RNGTT: variants seen among roughly 807,000 people sequenced by gnomAD.
The protein encoded by RNGTT is RNA guanylyltransferase and 5'-phosphatase, also known as mRNA-capping enzyme.
RNGTT carries 33 observed loss-of-function variants against 79.3 expected under a neutral mutation model. The observed-to-expected ratio is 0.42, with a 90% CI of 0.32 to 0.56. The LOEUF is 0.56. Ranked by LOEUF, RNGTT falls within the 20% of genes least tolerant of loss-of-function variation. RNGTT has a pLI of 0.17. For synonymous variants in RNGTT, 222 were observed against 235.9 expected (o/e 0.94, Z 0.54); for missense variants, 497 against 739.1 (o/e 0.67, Z 3.80).
Position 88,858,439 on chromosome 6 carries a change from G to C in RNGTT, c.897-4675C>G, listed in dbSNP as rs182561044. On this transcript the variant is annotated intron_variant, in intron 8 of 15. Transcript: ENST00000369485. ...CAGTGAAGAAGAAGCTATTACAGGA[G>C]CCTACAAAGGTAGAGCCTGTCAGAG... Among the ~76,000 whole-genome samples the C allele has an allele frequency of 6.0e-3, 908 of 152,236 alleles. 16 individuals carry two copies. Among genetic ancestry groups the C allele is most frequent in the African/African-American group, 0.02 (826 of 41,550 alleles).
Position 88,793,224 on chromosome 6 carries a change from A to G in RNGTT, c.1338+8340T>C, listed in dbSNP as rs182600709. Reference sequence around the variant, plus strand: ...ATCATGAGAAATTACAATCAGAAATAAAACATTAAGAAACAAAGACTGAAA... The same window carrying G: ...ATCATGAGAAATTACAATCAGAAATGAAACATTAAGAAACAAAGACTGAAA... On this transcript the variant is annotated intron_variant, in intron 12 of 15. Coordinates refer to ENST00000369485, the MANE Select transcript of RNGTT (RefSeq NM_003800.5). Among the ~76,000 whole-genome samples the G allele has an allele frequency of 7.7e-3, 1,174 of 152,144 alleles. 8 individuals carry two copies. The highest frequency in any genetic ancestry group is 0.026 in the African/African-American group (1,089 of 41,396).
At chr6:88,940,981 A>T (rs919075924) in intron 2 of RNGTT, 90 bp downstream of exon 2, 29 of 658,698 alleles carry the variant, frequency 4.4e-5, no homozygotes, top group Non-Finnish European at 6.9e-5. Context: ...TAATTATTTT[A>T]AAATAATAAG....
intron 14 of RNGTT, among the ~76,000 whole-genome samples, chr6:88,677,331 G>A (rs1212600198): frequency 4.0e-5 from 6 of 151,256 alleles, no homozygotes; most frequent in Admixed American, 4.0e-4. Context: ...AATTTCAAAG[G>A]GGCACAAGGA....
intron 4 of RNGTT, among the ~76,000 whole-genome samples, chr6:88,919,794 A>G (rs959051110): frequency 3.1e-5 from 4 of 131,004 alleles, no homozygotes; most frequent in South Asian, 2.3e-4. Flanking sequence ...TCGGCTCACT[A>G]CAACCTCTAC....
intron 5 of RNGTT, among the ~76,000 whole-genome samples, chr6:88,905,242 T>A (rs192821820): frequency 6.6e-6 from 1 of 152,306 alleles, no homozygotes; most frequent in African/African-American, 2.4e-5. Flanking sequence ...GTCTTGAAGG[T>A]TGAGGTCTGA....
At chr6:88,811,583 A>C (rs977557340) in intron 11 of RNGTT, among the ~76,000 whole-genome samples, 1 of 152,230 alleles carries the variant, frequency 6.6e-6, no homozygotes, top group Non-Finnish European at 1.5e-5. Context: ...AGAAACTGCA[A>C]AGTTACAAAG....
intron 6 of RNGTT, among the ~76,000 whole-genome samples, chr6:88,892,138 T>G (rs950330070): frequency 6.6e-6 from 1 of 152,046 alleles, no homozygotes; most frequent in African/African-American, 2.4e-5. Flanking sequence ...ATGTACTCTA[T>G]AGGCACTTCT....
At position 88,871,040 on chromosome 6, in the gene RNGTT, C is replaced by A. The variant is rs117221798; in HGVS notation, c.897-17276G>T. ...AAAATGCTGTTTGTAGTTTTTACTA[C>A]AAAAACTGCTACAATAATAAATATA... is the stretch of plus-strand genomic sequence containing the variant. On this transcript the variant is annotated intron_variant, in intron 8 of 15. Transcript: ENST00000369485. Among the ~76,000 whole-genome samples, 1,185 of 152,144 alleles carry A rather than the reference C, an allele frequency of 7.8e-3. 49 individuals carry two copies. The highest frequency in any genetic ancestry group is 0.066 in the Admixed American group (1,014 of 15,276).
At chr6:88,938,602 T>C (rs1011931370) in intron 2 of RNGTT, among the ~76,000 whole-genome samples, 3 of 152,206 alleles carry the variant, frequency 2.0e-5, no homozygotes, top group Non-Finnish European at 4.4e-5. Flanking sequence ...ATATTCTTTG[T>C]CCTTTCTTTC....
rs566346679 is a variant in RNGTT at position 88,840,866 on chromosome 6, G to T, written c.1269+3491C>A. On this transcript the variant is annotated intron_variant, in intron 11 of 15. Coordinates refer to ENST00000369485, the MANE Select transcript of RNGTT (RefSeq NM_003800.5). Reference sequence around the variant, plus strand: ...AAAATAGTTCTGATATTACACATTAGCAAATATTTCTAAGCAGTACTGATT... The same window carrying T: ...AAAATAGTTCTGATATTACACATTATCAAATATTTCTAAGCAGTACTGATT... Among the ~76,000 whole-genome samples, 3 of 152,172 alleles carry T rather than the reference G, an allele frequency of 2.0e-5. No individual in the cohort carries two copies. The East Asian group carries it at 5.8e-4, about 29-fold the overall frequency.
intron 2 of RNGTT, among the ~76,000 whole-genome samples, chr6:88,936,356 T>C (rs1784664998): frequency 6.6e-6 from 1 of 152,146 alleles, no homozygotes; most frequent in Admixed American, 6.5e-5. Context: ...TGACTTTTTT[T>C]CCAATTTGGG....
rs569074849 is a variant in RNGTT, at chr6:88,642,712, A to G, written c.1507-28317T>C. Among the ~76,000 whole-genome samples the G allele has an allele frequency of 3.3e-5, 5 of 152,316 alleles. No homozygotes were observed. The South Asian group carries it at 1.0e-3, about 32-fold the overall frequency. On this transcript the variant is annotated intron_variant, in intron 14 of 15. Coordinates refer to ENST00000369485, the MANE Select transcript of RNGTT (RefSeq NM_003800.5). Reference sequence around the variant, plus strand: ...ATGGGCAAGTTATTTAACCTCTCTGAGTTTCCATTTTCTCACATGAAAATA... The same window carrying G: ...ATGGGCAAGTTATTTAACCTCTCTGGGTTTCCATTTTCTCACATGAAAATA...
intron 8 of RNGTT, among the ~76,000 whole-genome samples, chr6:88,863,996 T>G (rs1439343632): frequency 6.6e-6 from 1 of 152,106 alleles, no homozygotes; most frequent in Non-Finnish European, 1.5e-5. Flanking sequence ...AGTTGCAACT[T>G]GCTTATTCTC....
intron 13 of RNGTT, among the ~76,000 whole-genome samples, chr6:88,737,181 C>T (rs557244703): frequency 1.3e-5 from 2 of 152,278 alleles, no homozygotes; most frequent in South Asian, 2.1e-4. Flanking sequence ...CCTTCTTAGA[C>T]GAGATTAGGC....
intron 6 of RNGTT, among the ~76,000 whole-genome samples, chr6:88,896,438 G>T (rs1246133589): frequency 6.6e-6 from 1 of 152,146 alleles, no homozygotes; most frequent in Non-Finnish European, 1.5e-5. Context: ...ATTATAACAG[G>T]TTACCTTAGA....
intron 13 of RNGTT, among the ~76,000 whole-genome samples, chr6:88,768,444 G>A (rs943080632): frequency 1.3e-5 from 2 of 152,054 alleles, no homozygotes; most frequent in Non-Finnish European, 2.9e-5. Flanking sequence ...GTTTGAAAAC[G>A]AATACCCACA....
intron 14 of RNGTT, among the ~76,000 whole-genome samples, chr6:88,630,322 T>C (rs892918769): frequency 6.6e-6 from 1 of 152,194 alleles, no homozygotes; most frequent in Non-Finnish European, 1.5e-5. Flanking sequence ...TAGCACTGTT[T>C]TAACTGTCTT....
At chr6:88,917,608 T>C (rs1784039025) in intron 4 of RNGTT, among the ~76,000 whole-genome samples, 1 of 152,170 alleles carries the variant, frequency 6.6e-6, no homozygotes, top group Non-Finnish European at 1.5e-5. Flanking sequence ...CCACGGCTGA[T>C]TATAGCTCTG....
intron 4 of RNGTT, among the ~76,000 whole-genome samples, chr6:88,915,021 G>C (rs977289426): frequency 5.9e-5 from 9 of 152,102 alleles, no homozygotes; most frequent in African/African-American, 2.2e-4. Context: ...ATGAAAAAAT[G>C]CTCACCATCA....
Sources: gnomAD v4.1 joint callset for allele counts (sites outside exome capture counted in the v4.1 genomes callset) on GRCh38, gnomAD v4.1.1 for gene constraint, MANE v1.5 for transcripts, NCBI Gene and HGNC (gene_info 2026-07-23, HGNC 2026-07-21) for gene names.